Variants in CDH2 observed in about 807,000 individuals in gnomAD.
CDH2 encodes the protein cadherin 2, also known as cadherin-2.
Under a neutral mutation model 92.0 loss-of-function variants are expected in CDH2, and 17 were observed. The observed-to-expected ratio is 0.18, with a 90% CI of 0.13 to 0.28. CDH2 has a LOEUF of 0.28. CDH2 is among the 10% of genes least tolerant of loss of function. The pLI, the probability that CDH2 is intolerant of heterozygous loss-of-function variation, is 1.00. For missense variants in CDH2, 862 were observed against 1,133.1 expected (o/e 0.76, Z 3.44); for synonymous variants, 419 against 415.9 (o/e 1.01, Z -0.09).
chr18:28,111,292 A>G (rs2015408934), intron 2 of CDH2, among the ~76,000 whole-genome samples: 1 of 152,258 alleles, frequency 6.6e-6, no homozygotes, highest in Non-Finnish European at 1.5e-5. Context: ...ATTTCGAGGC[A>G]TGGGTGTAGC....
At chr18:28,130,737 G>A (rs1229940817) in intron 2 of CDH2, among the ~76,000 whole-genome samples, 1 of 152,156 alleles carries the variant, frequency 6.6e-6, no homozygotes, top group East Asian at 1.9e-4. Flanking sequence ...CTCCTTAGGG[G>A]CACAGAGGGC....
intron 2 of CDH2, among the ~76,000 whole-genome samples, chr18:28,115,657 C>T (rs2015485615): frequency 6.6e-6 from 1 of 152,128 alleles, no homozygotes; most frequent in Non-Finnish European, 1.5e-5. Flanking sequence ...TTATTATGGG[C>T]CAGCTTTCCA....
intron 2 of CDH2, among the ~76,000 whole-genome samples, chr18:28,055,419 T>C (rs1005710881): frequency 2.0e-5 from 3 of 152,136 alleles, no homozygotes; most frequent in Non-Finnish European, 4.4e-5. Context: ...GGCTTGAAAT[T>C]TGACTACAGT....
intron 6 of CDH2, 66 bp from the exon 7 acceptor site, chr18:28,003,235 A>C: frequency 8.2e-7 from 1 of 1,226,966 alleles, no homozygotes; most frequent in Non-Finnish European, 1.2e-6. Flanking sequence ...AATAGAAGGT[A>C]TATTTATTGT....
intron 2 of CDH2, among the ~76,000 whole-genome samples, chr18:28,018,905 G>A (rs2013330298): frequency 1.3e-5 from 2 of 149,418 alleles, no homozygotes; most frequent in African/African-American, 4.9e-5. Context: ...ACATATATAT[G>A]TGTGTGTATA....
At chr18:28,109,407 T>C (rs1167878468) in intron 2 of CDH2, among the ~76,000 whole-genome samples, 1 of 152,198 alleles carries the variant, frequency 6.6e-6, no homozygotes, top group Non-Finnish European at 1.5e-5. Context: ...AAGTAAACAG[T>C]AAAGTTTTTC....
intron 2 of CDH2, among the ~76,000 whole-genome samples, chr18:28,091,410 T>C (rs549269219): frequency 1.3e-5 from 2 of 152,196 alleles, no homozygotes; most frequent in Non-Finnish European, 2.9e-5. Flanking sequence ...CTAGTGGACT[T>C]TGTCCTTCAG....
At chr18:28,159,841 G>C (rs762511905) in intron 1 of CDH2, among the ~76,000 whole-genome samples, 4 of 152,122 alleles carry the variant, frequency 2.6e-5, no homozygotes, top group Non-Finnish European at 4.4e-5. Context: ...ATTTTTAGTA[G>C]AGACAGGGTT....
chr18:28,088,836 G>A (rs2014985175), intron 2 of CDH2, among the ~76,000 whole-genome samples: 1 of 152,144 alleles, frequency 6.6e-6, no homozygotes, highest in Admixed American at 6.5e-5. Context: ...AATGAGTGGA[G>A]GCAGATATTG....
chr18:28,140,859 C>G (rs994200090), intron 2 of CDH2, among the ~76,000 whole-genome samples: 1 of 147,194 alleles, frequency 6.8e-6, no homozygotes, highest in East Asian at 2.0e-4. Context: ...ATTTAAAAAG[C>G]TAACAAACAA....
intron 2 of CDH2, among the ~76,000 whole-genome samples, chr18:28,050,779 G>T (rs531073506): frequency 1.3e-5 from 2 of 152,178 alleles, no homozygotes; most frequent in East Asian, 3.9e-4. Context: ...GAGGCCTCTG[G>T]GGATGCCTGA....
intron 11 of CDH2, among the ~76,000 whole-genome samples, chr18:27,988,276 T>A (rs1029399695): frequency 6.6e-6 from 1 of 152,146 alleles, no homozygotes; most frequent in Non-Finnish European, 1.5e-5. Flanking sequence ...CATCAACATG[T>A]GACAGGACAA....
chr18:28,067,289 T>C (rs1011219242), intron 2 of CDH2, among the ~76,000 whole-genome samples: 2 of 152,118 alleles, frequency 1.3e-5, no homozygotes, highest in Non-Finnish European at 2.9e-5. Flanking sequence ...CAGCTGTACA[T>C]CTATTACCAC....
intron 2 of CDH2, among the ~76,000 whole-genome samples, chr18:28,057,658 C>A (rs543602997): frequency 3.0e-3 from 412 of 139,320 alleles, no homozygotes; most frequent in Middle Eastern, 7.1e-3. Context: ...CAGGGCAAGA[C>A]TCTGTCTCAA....
chr18:28,066,118 C>A (rs1334108266), intron 2 of CDH2, among the ~76,000 whole-genome samples: 1 of 152,072 alleles, frequency 6.6e-6, no homozygotes, highest in Non-Finnish European at 1.5e-5. Flanking sequence ...CTGATAATAA[C>A]CATTTGAAAA....
At chr18:28,080,941 C>CA (rs1170389825) in intron 2 of CDH2, among the ~76,000 whole-genome samples, 14 of 152,332 alleles carry the variant, frequency 9.2e-5, no homozygotes, top group African/African-American at 3.4e-4. Context: ...CCTGAGTCAG[C>CA]ACCTTTCCTT....
chr18:28,048,522 T>C (rs562107332), intron 2 of CDH2, among the ~76,000 whole-genome samples: 1 of 152,302 alleles, frequency 6.6e-6, no homozygotes, highest in African/African-American at 2.4e-5. Context: ...ACGTTTTTGA[T>C]ATGGGTCAAA....
Position 27,952,362 on chromosome 18 carries a change from G to A in CDH2, c.2515-3C>T. On this transcript the variant is annotated splice_region_variant and splice_polypyrimidine_tract_variant and intron_variant, in intron 15 of 15. Transcript: ENST00000269141. Reference sequence around the variant, plus strand: ...TCATTGTCAGCCGCTTTAAGGCCCTGCAATTTGGAAACACAAAGAATGAAA... The same window carrying A: ...TCATTGTCAGCCGCTTTAAGGCCCTACAATTTGGAAACACAAAGAATGAAA... 1 of 1,611,828 alleles carries A rather than the reference G, an allele frequency of 6.2e-7. No homozygotes were observed. The highest frequency in any genetic ancestry group is 1.1e-5 in the South Asian group (1 of 91,020).
At chr18:28,090,809 A>C (rs1453073355) in intron 2 of CDH2, among the ~76,000 whole-genome samples, 2 of 152,226 alleles carry the variant, frequency 1.3e-5, no homozygotes, top group African/African-American at 4.8e-5. Context: ...AGAAGCCAGT[A>C]TAATATTTCT....
Sources: gnomAD v4.1 joint callset for allele counts (sites outside exome capture counted in the v4.1 genomes callset) on GRCh38, gnomAD v4.1.1 for gene constraint, MANE v1.5 for transcripts, NCBI Gene and HGNC (gene_info 2026-07-23, HGNC 2026-07-21) for gene names.